Variants in CACNA1B observed in about 807,000 individuals in gnomAD.
CACNA1B encodes the protein calcium voltage-gated channel subunit alpha1 B, also known as voltage-dependent N-type calcium channel subunit alpha-1B.
CACNA1B carries 70 observed loss-of-function variants against 247.2 expected under a neutral mutation model. The ratio of observed to expected loss-of-function variants is 0.28; its 90% CI spans 0.23 to 0.35. The LOEUF is 0.35. CACNA1B is among the 10% of genes least tolerant of loss of function. The pLI is 1.00. For synonymous variants in CACNA1B, 1,231 were observed against 1,294.4 expected (o/e 0.95, Z 1.05); for missense variants, 2,367 against 3,197.4 (o/e 0.74, Z 6.26).
At chr9:137,993,885 A>G (rs529794704) in intron 15 of CACNA1B, among the ~76,000 whole-genome samples, 13 of 152,312 alleles carry the variant, frequency 8.5e-5, no homozygotes, top group African/African-American at 3.1e-4. Flanking sequence ...CCAGGGAAGG[A>G]CATAACCAAG....
chr9:138,121,333 GCAGCCCGTTGTCCCC>G lies in CACNA1B; in HGVS notation c.6490-133_6490-119del, dbSNP rs1461384168. 1 of 643,230 alleles carries G rather than the reference GCAGCCCGTTGTCCCC, an allele frequency of 1.6e-6. No homozygotes were observed. The allele number at this position is 643,230 out of a possible 1,614,324, so 39.8% of individuals were successfully genotyped here. A position where few individuals can be genotyped will look rare whatever the true frequency, so the allele number is the denominator to read the frequency against. On this transcript the variant is annotated intron_variant, in intron 46 of 46. Transcript: ENST00000371372. This position sits in a 1 kb window ranked among gnomAD's most constrained non-coding sequence, Gnocchi z 6.8. ...GGTGCCTGTTGCCTCCCTGGTCACC[GCAGCCCGTTGTCCCC>G]CATTGCCTCCCTCTCTCCTCCCATC...
chr9:137,958,679 A>G (rs975797791), intron 10 of CACNA1B, among the ~76,000 whole-genome samples: 13 of 152,272 alleles, frequency 8.5e-5, no homozygotes, highest in African/African-American at 3.1e-4. Context: ...TGTGGGGCAG[A>G]TTCCCAGGAG....
chr9:137,885,009 C>T (rs1483897120), intron 3 of CACNA1B, among the ~76,000 whole-genome samples: 17 of 138,914 alleles, frequency 1.2e-4, no homozygotes, highest in East Asian at 2.2e-4. Context: ...CTCCTCTCCA[C>T]GCTCTCTGTC....
Position 138,122,140 on chromosome 9 carries a change from C to G in CACNA1B, c.*141C>G. On this transcript the variant is annotated 3_prime_UTR_variant, in exon 47 of 47. Transcript: ENST00000371372. ...GCTCCTGTGGCCCCTCCCTCCCCCT[C>G]CTCCCCTCTTTTACTCTAGACGACG... 1 of 689,948 alleles carries G rather than the reference C, an allele frequency of 1.4e-6. No individual in the cohort carries two copies. Among genetic ancestry groups the G allele is most frequent in the Non-Finnish European group, 2.4e-6 (1 of 418,044 alleles). 42.7% of individuals were successfully genotyped at this position (689,948 alleles called of 1,614,324 possible). A position where few individuals can be genotyped will look rare whatever the true frequency, so the allele number is the denominator to read the frequency against.
rs199593214 is a variant in CACNA1B, at chr9:138,057,916, G to A, written c.4106+47G>A. The stretch of plus-strand genomic sequence containing the variant: ...CGTAGCTGGGGCAGGCAGCCCCTGA[G>A]CTCGGCCTCCCTTCCTCCCTCTATC... On this transcript the variant is annotated intron_variant, in intron 27 of 46. Transcript: ENST00000371372. This position sits in a 1 kb window ranked among gnomAD's most constrained non-coding sequence, Gnocchi z 4.0. The A allele has an allele frequency of 1.3e-6, 2 of 1,589,102 alleles. No individual in the cohort carries two copies. The highest frequency in any genetic ancestry group is 2.3e-5 in the East Asian group (1 of 44,254).
In CACNA1B at chr9:137,917,316, G is replaced by A. The variant is rs563448820; in HGVS notation, c.851G>A (p.Arg284Gln). 2.5e-6 allele frequency: 4 copies of A among 1,613,962 alleles called. No individual in the cohort carries two copies. Among genetic ancestry groups the A allele is most frequent in the East Asian group, 2.2e-5 (1 of 44,876 alleles). Reference sequence around the variant, plus strand: ...CTGTGCGAGGGCGACACTGAGTGCCGGGAGTACTGGCCAGGACCCAACTTT... The same window carrying A: ...CTGTGCGAGGGCGACACTGAGTGCCAGGAGTACTGGCCAGGACCCAACTTT... Reference protein sequence around the residue: ...ARLCEGDTECREYWPGPNFGI... With the variant: ...ARLCEGDTECQEYWPGPNFGI... The change falls in exon 6 of 47, where the codon CGG becomes CAG. Residue 284 changes from arginine to glutamine, a missense_variant. Physicochemically the swap from Arg to Gln is conservative, Grantham distance 43. Transcript: ENST00000371372. This position sits in a 1 kb window ranked among gnomAD's most constrained non-coding sequence, Gnocchi z 5.5.
chr9:138,105,938 G>C, intron 39 of CACNA1B, 131 bp downstream of exon 39: 1 of 619,586 alleles, frequency 1.6e-6, no homozygotes. Context: ...TCTGAGGACA[G>C]CTGCACAGGA....
chr9:138,121,416 GCT>G lies in CACNA1B; in HGVS notation c.6490-52_6490-51del. ...GTGATGTGCTCTGTCTGTTGGTTCG[GCT>G]TTTTTTTTTTTTTTTTTACCTCTGA... On this transcript the variant is annotated intron_variant, in intron 46 of 46. Coordinates refer to ENST00000371372, the MANE Select transcript of CACNA1B (RefSeq NM_000718.4). This position sits in a 1 kb window ranked among gnomAD's most constrained non-coding sequence, Gnocchi z 6.8. 2 of 957,110 alleles carry G rather than the reference GCT, an allele frequency of 2.1e-6. No homozygotes were observed. The highest frequency in any genetic ancestry group is 3.0e-5 in the Admixed American group (1 of 33,306). 59.3% of individuals were successfully genotyped at this position (957,110 alleles called of 1,614,324 possible).
chr9:138,048,021 C>T (rs1220596444), intron 23 of CACNA1B, among the ~76,000 whole-genome samples: 2 of 152,142 alleles, frequency 1.3e-5, no homozygotes, highest in Non-Finnish European at 2.9e-5. Context: ...GTTGAGTGTG[C>T]ACACACCTGC....
intron 6 of CACNA1B, among the ~76,000 whole-genome samples, chr9:137,927,051 T>C (rs1957559231): frequency 6.6e-6 from 1 of 152,180 alleles, no homozygotes; most frequent in Non-Finnish European, 1.5e-5. Flanking sequence ...GTCTAGTTTG[T>C]CTGTTTTTTC....
At chr9:137,937,921 G>A (rs1025336155) in intron 6 of CACNA1B, among the ~76,000 whole-genome samples, 3 of 132,004 alleles carry the variant, frequency 2.3e-5, no homozygotes, top group Non-Finnish European at 4.6e-5. Flanking sequence ...CACTCCAGCC[G>A]GGGCAACAAG....
intron 10 of CACNA1B, among the ~76,000 whole-genome samples, chr9:137,965,230 CT>C (rs1368176578): frequency 1.3e-5 from 2 of 152,240 alleles, no homozygotes; most frequent in African/African-American, 4.8e-5. Context: ...AGCAGCTGTG[CT>C]GTTTTGGAGA....
intron 15 of CACNA1B, among the ~76,000 whole-genome samples, chr9:137,994,036 G>A (rs1051207770): frequency 2.6e-5 from 4 of 152,066 alleles, no homozygotes; most frequent in Admixed American, 6.6e-5. Context: ...TGCAGGGATG[G>A]TTTAACATAT....
chr9:138,006,655 C>G, intron 15 of CACNA1B, 112 bp from the exon 16 acceptor site: 1 of 672,646 alleles, frequency 1.5e-6, no homozygotes, highest in African/African-American at 1.8e-5. Context: ...CATGTGTGGA[C>G]GTGGCAGTGC....
chr9:137,960,966 G>A (rs374282131), intron 10 of CACNA1B, among the ~76,000 whole-genome samples: 1 of 151,986 alleles, frequency 6.6e-6, no homozygotes, highest in African/African-American at 2.4e-5. Context: ...AATCAGTAAC[G>A]TTGGTTTTTT....
intron 6 of CACNA1B, among the ~76,000 whole-genome samples, chr9:137,944,545 G>A (rs1957772206): frequency 6.6e-6 from 1 of 152,134 alleles, no homozygotes; most frequent in African/African-American, 2.4e-5. Flanking sequence ...TTCCTGGCGG[G>A]CAGCCTCAAA....
At position 137,986,924 on chromosome 9, in the gene CACNA1B, C is replaced by A; in HGVS notation, c.1974+70C>A. On this transcript the variant is annotated intron_variant, in intron 15 of 46. Coordinates refer to ENST00000371372, the MANE Select transcript of CACNA1B (RefSeq NM_000718.4). This position sits in a 1 kb window ranked among gnomAD's most constrained non-coding sequence, Gnocchi z 6.0. ...CTCCCCTGGGTGCTGGGAAGGCGGA[C>A]TCTCCTGTCATTCCCTCCCTTGTTC... The A allele has an allele frequency of 1.8e-6, 2 of 1,128,052 alleles. No homozygotes were observed. The highest frequency in any genetic ancestry group is 2.7e-6 in the Non-Finnish European group (2 of 740,174). The allele number at this position is 1,128,052 out of a possible 1,614,324, so 69.9% of individuals were successfully genotyped here.
At chr9:137,979,602 A>G (rs1589046435) in intron 12 of CACNA1B, among the ~76,000 whole-genome samples, 1 of 152,148 alleles carries the variant, frequency 6.6e-6, no homozygotes, top group Non-Finnish European at 1.5e-5. Flanking sequence ...GCCATCGAAG[A>G]GGCTGCTTGC....
intron 36 of CACNA1B, among the ~76,000 whole-genome samples, chr9:138,092,757 A>G (rs528914032): frequency 1.3e-5 from 2 of 152,342 alleles, no homozygotes; most frequent in South Asian, 4.1e-4. Flanking sequence ...AAAGACAGGC[A>G]TAAGAAATTA....
Sources: gnomAD v4.1 joint callset for allele counts (sites outside exome capture counted in the v4.1 genomes callset) on GRCh38, gnomAD v4.1.1 for gene constraint, Gnocchi (gnomAD v3.1) non-coding constraint, MANE v1.5 for transcripts, NCBI Gene and HGNC (gene_info 2026-07-23, HGNC 2026-07-21) for gene names.